Variants in NR2F1-AS1 observed in about 807,000 individuals in gnomAD.
The protein encoded by NR2F1-AS1 is NR2F1 regulatory antisense RNA 1.
chr5:93,574,882 C>T (rs912471167), intron 1 of NR2F1-AS1, among the ~76,000 whole-genome samples: 2 of 152,210 alleles, frequency 1.3e-5, no homozygotes, highest in Admixed American at 1.3e-4. Context: ...GGCTCCTATG[C>T]TCCTATTCAC....
At chr5:93,459,286 CAA>C (rs1349442892) in intron 4 of NR2F1-AS1, among the ~76,000 whole-genome samples, 3 of 151,094 alleles carry the variant, frequency 2.0e-5, no homozygotes, top group Non-Finnish European at 4.4e-5. Context: ...GATATTTATC[CAA>C]AAAAGAGATA....
intron 4 of NR2F1-AS1, among the ~76,000 whole-genome samples, chr5:93,487,808 A>T (rs1750757833): frequency 1.3e-5 from 2 of 152,192 alleles, no homozygotes; most frequent in African/African-American, 4.8e-5. Flanking sequence ...CACAAAGAAA[A>T]AAGCTGGAAG....
At chr5:93,582,357 G>T (rs1753122320), upstream of NR2F1-AS1, among the ~76,000 whole-genome samples, 1 of 151,786 alleles carries the variant, frequency 6.6e-6, no homozygotes, top group South Asian at 2.1e-4. Context: ...AGGAACCCTT[G>T]ATTCCGATCG....
At chr5:93,560,892 A>C (rs535765856) in intron 2 of NR2F1-AS1, among the ~76,000 whole-genome samples, 1 of 152,238 alleles carries the variant, frequency 6.6e-6, no homozygotes. Flanking sequence ...CATATAAAGA[A>C]GTAGAAGAAA....
chr5:93,564,126 AAAAAAAAAAAAAAAAAAAAAAAAAC>A (rs2149921959), intron 1 of NR2F1-AS1, among the ~76,000 whole-genome samples: 4 of 105,880 alleles, frequency 3.8e-5, no homozygotes, highest in Non-Finnish European at 3.7e-5. Flanking sequence ...AAAAAAAAAA[AAAAAAAAAAAAAAAAAAAAAAAAAC>A]ACACAACTAC....
chr5:93,578,895 A>G (rs1179788489), intron 1 of NR2F1-AS1, among the ~76,000 whole-genome samples: 1 of 152,204 alleles, frequency 6.6e-6, no homozygotes, highest in Non-Finnish European at 1.5e-5. Context: ...TGTGGGTCGC[A>G]TTAGGCCCAG....
At chr5:93,530,901 T>C (rs924004353) in intron 4 of NR2F1-AS1, among the ~76,000 whole-genome samples, 1 of 152,044 alleles carries the variant, frequency 6.6e-6, no homozygotes, top group African/African-American at 2.4e-5. Flanking sequence ...TTAATTTTTT[T>C]TGAAAAAAAA....
At chr5:93,513,298 C>A (rs576847179) in intron 4 of NR2F1-AS1, among the ~76,000 whole-genome samples, 1 of 152,270 alleles carries the variant, frequency 6.6e-6, no homozygotes, top group South Asian at 2.1e-4. Flanking sequence ...TTGAACCTAG[C>A]AATCCCATTA....
At chr5:93,463,611 T>A (rs1239984455) in intron 4 of NR2F1-AS1, among the ~76,000 whole-genome samples, 1 of 151,972 alleles carries the variant, frequency 6.6e-6, no homozygotes, top group Non-Finnish European at 1.5e-5. Context: ...TGCCAGCCCA[T>A]GAAAGCAGCC....
chr5:93,560,475 T>A (rs1403329933), intron 2 of NR2F1-AS1, among the ~76,000 whole-genome samples: 1 of 152,240 alleles, frequency 6.6e-6, no homozygotes, highest in Non-Finnish European at 1.5e-5. Context: ...TTGACATTAG[T>A]TGGTATGCAG....
At chr5:93,434,798 A>C (rs191964702) in intron 4 of NR2F1-AS1, among the ~76,000 whole-genome samples, 278 of 152,214 alleles carry the variant, frequency 1.8e-3, no homozygotes, top group African/African-American at 6.4e-3. Flanking sequence ...CTTTGTAAAA[A>C]TCCCCCAATT....
chr5:93,570,306 C>G (rs1366937401), intron 1 of NR2F1-AS1: 1 of 152,400 alleles, frequency 6.6e-6, no homozygotes, highest in Non-Finnish European at 1.5e-5. Flanking sequence ...CCTACCCCTA[C>G]CAGCAGCCCA....
At chr5:93,573,418 T>G (rs944609233) in intron 1 of NR2F1-AS1, among the ~76,000 whole-genome samples, 4 of 152,124 alleles carry the variant, frequency 2.6e-5, no homozygotes, top group African/African-American at 4.8e-5. Flanking sequence ...TTTGCCCAGA[T>G]GCGCCTTTCC....
At chr5:93,490,295 T>C (rs1160680768) in intron 4 of NR2F1-AS1, among the ~76,000 whole-genome samples, 2 of 152,238 alleles carry the variant, frequency 1.3e-5, no homozygotes, top group African/African-American at 2.4e-5. Context: ...ATAGTTTTCA[T>C]TAAGAAGTTC....
rs987893413 is a variant in NR2F1-AS1 at position 93,487,786 on chromosome 5, C to G, written n.638+65975G>C. 7.9e-5 allele frequency among the ~76,000 whole-genome samples: 12 copies of G among 152,026 alleles called. No individual in the cohort carries two copies. The South Asian group carries it at 1.0e-3, about 13-fold the overall frequency. On this transcript the variant is annotated intron_variant and non_coding_transcript_variant, in intron 4 of 5. Coordinates refer to ENST00000660523, the Ensembl canonical transcript of NR2F1-AS1. ...ACCAAAAAAGAGCCTGTATAGCCAA[C>G]ACAATCCTAAGCACAAAGAAAAAAG... is the stretch of plus-strand genomic sequence containing the variant.
intron 4 of NR2F1-AS1, chr5:93,423,169 A>T (rs376869719): frequency 6.6e-6 from 1 of 152,394 alleles, no homozygotes; most frequent in East Asian, 1.9e-4. Context: ...GCTGCTGAGA[A>T]TTCTCTGAGC....
intron 4 of NR2F1-AS1, chr5:93,410,867 A>C (rs373253180): frequency 2.8e-4 from 43 of 152,372 alleles, no homozygotes; most frequent in African/African-American, 1.0e-3. Flanking sequence ...TAATATGTCT[A>C]AAGTCTACTA....
chr5:93,462,203 G>T (rs1035511892), intron 4 of NR2F1-AS1, among the ~76,000 whole-genome samples: 2 of 152,170 alleles, frequency 1.3e-5, no homozygotes, highest in Admixed American at 6.5e-5. Context: ...CATGTCATGG[G>T]AGGAACCTGG....
At chr5:93,559,383 G>A (rs913393535) in intron 2 of NR2F1-AS1, among the ~76,000 whole-genome samples, 3 of 152,106 alleles carry the variant, frequency 2.0e-5, no homozygotes, top group Non-Finnish European at 4.4e-5. Context: ...TATTGTGGCT[G>A]GTTTGATCTT....
Sources: gnomAD v4.1 joint callset for allele counts (sites outside exome capture counted in the v4.1 genomes callset) on GRCh38, gnomAD v4.1.1 for gene constraint, MANE v1.5 for transcripts, NCBI Gene and HGNC (gene_info 2026-07-23, HGNC 2026-07-21) for gene names.